CMSS1: variants seen among roughly 807,000 people sequenced by gnomAD.
CMSS1 encodes the protein protein CMSS1.
A neutral mutation model predicts 43.5 loss-of-function variants in CMSS1; 33 were observed. The observed-to-expected ratio is 0.76, with a 90% CI of 0.57 to 1.01. The LOEUF (loss-of-function observed/expected upper bound fraction) is 1.01, where lower values mean the gene tolerates loss of function less well. Ranked by LOEUF, CMSS1 falls within the 50% of genes least tolerant of loss-of-function variation. The pLI is 0.00. For missense variants in CMSS1, 313 were observed against 326.4 expected, an observed-to-expected ratio of 0.96 and a Z score of 0.32; for synonymous variants, 115 against 117.2, an observed-to-expected ratio of 0.98 and a Z score of 0.12.
intron 1 of CMSS1, among the ~76,000 whole-genome samples, chr3:99,833,793 G>C (rs1026501190): frequency 6.6e-6 from 1 of 152,246 alleles, no homozygotes; most frequent in African/African-American, 2.4e-5. Context: ...AATTGAGGTG[G>C]TGTGGGACGG....
intron 1 of CMSS1, among the ~76,000 whole-genome samples, chr3:99,938,074 TGCGC>T (rs57534383): frequency 0.045 from 3,856 of 85,232 alleles, 77 homozygotes; most frequent in Middle Eastern, 0.083. Context: ...TGTGTGTGTG[TGCGC>T]GCGCGCGCGC....
intron 9 of CMSS1, 94 bp from the exon 10 acceptor site, chr3:100,178,211 G>A: frequency 2.9e-6 from 2 of 689,794 alleles, no homozygotes; most frequent in East Asian, 2.7e-5. Context: ...ATAACAGCTG[G>A]GTAAATATCA....
chr3:99,930,771 G>A (rs764669767), intron 1 of CMSS1: 10 of 1,613,028 alleles, frequency 6.2e-6, no homozygotes, highest in Non-Finnish European at 8.5e-6. Context: ...CAGCTGACCT[G>A]CAGTTCTCCC....
chr3:99,932,665 G>A (rs1707521783), intron 1 of CMSS1, among the ~76,000 whole-genome samples: 2 of 152,080 alleles, frequency 1.3e-5, no homozygotes, highest in Admixed American at 6.5e-5. Flanking sequence ...CGAGGCAGGC[G>A]GATTACCCGA....
chr3:100,111,911 C>T (rs2066497542), intron 1 of CMSS1, among the ~76,000 whole-genome samples: 1 of 152,172 alleles, frequency 6.6e-6, no homozygotes, highest in Admixed American at 6.5e-5. Context: ...GAACAACATG[C>T]ACAATACACA....
chr3:99,830,817 T>C (rs1435547381), intron 1 of CMSS1, among the ~76,000 whole-genome samples: 1 of 152,148 alleles, frequency 6.6e-6, no homozygotes, highest in African/African-American at 2.4e-5. Context: ...CAGTTCTTGA[T>C]AGAGATAGTG....
intron 1 of CMSS1, among the ~76,000 whole-genome samples, chr3:100,048,781 AG>A (rs1317533534): frequency 1.3e-5 from 2 of 152,162 alleles, no homozygotes; most frequent in Non-Finnish European, 2.9e-5. Flanking sequence ...AACTAGCCCT[AG>A]GTTTTTCTCC....
chr3:100,062,157 G>A (rs1467028028), intron 1 of CMSS1, among the ~76,000 whole-genome samples: 1 of 124,172 alleles, frequency 8.1e-6, no homozygotes, highest in Non-Finnish European at 1.6e-5. Flanking sequence ...TGTCCCCCAG[G>A]CTGGAGTGCA....
At chr3:99,916,681 A>G (rs1318463907) in intron 1 of CMSS1, among the ~76,000 whole-genome samples, 1 of 152,202 alleles carries the variant, frequency 6.6e-6, no homozygotes, top group Non-Finnish European at 1.5e-5. Context: ...CCCAAGGTCA[A>G]ATAGCCAGTA....
intron 1 of CMSS1, among the ~76,000 whole-genome samples, chr3:100,076,427 G>A (rs1332471303): frequency 6.6e-6 from 1 of 152,134 alleles, no homozygotes. Flanking sequence ...TTTTATCATT[G>A]TCAGCATGTG....
chr3:99,905,402 C>T (rs1331008692), intron 1 of CMSS1, among the ~76,000 whole-genome samples: 3 of 152,214 alleles, frequency 2.0e-5, no homozygotes, highest in Non-Finnish European at 4.4e-5. Flanking sequence ...TCTAATTGCT[C>T]TTACTAGGAC....
At chr3:100,064,056 G>GTTC (rs887476296) in intron 1 of CMSS1, among the ~76,000 whole-genome samples, 6 of 152,298 alleles carry the variant, frequency 3.9e-5, no homozygotes, top group African/African-American at 1.4e-4. Flanking sequence ...AGGTGGAAGA[G>GTTC]TTCTTGTTTT....
At chr3:99,986,540 G>A (rs1709347526) in intron 1 of CMSS1, among the ~76,000 whole-genome samples, 1 of 152,176 alleles carries the variant, frequency 6.6e-6, no homozygotes, top group South Asian at 2.1e-4. Context: ...TATGAGGTTG[G>A]TAGGTATATT....
At chr3:99,987,962 C>T (rs1372867796) in intron 1 of CMSS1, among the ~76,000 whole-genome samples, 1 of 152,116 alleles carries the variant, frequency 6.6e-6, no homozygotes, top group African/African-American at 2.4e-5. Flanking sequence ...TCTTCCAGGC[C>T]ATCATTCTGT....
At chr3:99,881,250 A>G (rs115744522) in intron 1 of CMSS1, among the ~76,000 whole-genome samples, 1,645 of 152,300 alleles carry the variant, frequency 0.011, 27 homozygotes, top group African/African-American at 0.037. Flanking sequence ...AGATTATTAA[A>G]TGGGAAGCAG....
chr3:99,976,713 T>C (rs568104478), intron 1 of CMSS1, among the ~76,000 whole-genome samples: 1 of 152,346 alleles, frequency 6.6e-6, no homozygotes, highest in South Asian at 2.1e-4. Flanking sequence ...TGATAGGATT[T>C]TATTATCTTA....
At position 100,181,197 on chromosome 3, in the gene CMSS1, A is replaced by G. The variant is rs1320637535; in HGVS notation, c.*2809A>G. 6.6e-6 allele frequency: 1 copy of G among 152,246 alleles called. No individual in the cohort carries two copies. Among genetic ancestry groups the G allele is most frequent in the Admixed American group, 6.5e-5 (1 of 15,282 alleles). The allele number at this position is 152,246 out of a possible 1,614,324, so 9.4% of individuals were successfully genotyped here. ...ACTTGGGTGGGGACACAGCCAAACC[A>G]CATCAGCAGGGTAGTGGTAGAAAGA... On this transcript the variant is annotated 3_prime_UTR_variant, in exon 10 of 10. Coordinates refer to ENST00000421999, the MANE Select transcript of CMSS1 (RefSeq NM_032359.4).
intron 1 of CMSS1, among the ~76,000 whole-genome samples, chr3:99,933,929 G>T (rs554319348): frequency 1.3e-5 from 2 of 152,272 alleles, no homozygotes; most frequent in East Asian, 3.9e-4. Context: ...AATAACAATG[G>T]CTCAGAATTC....
At chr3:99,906,779 A>G (rs1306455888) in intron 1 of CMSS1, among the ~76,000 whole-genome samples, 1 of 152,186 alleles carries the variant, frequency 6.6e-6, no homozygotes, top group African/African-American at 2.4e-5. Flanking sequence ...GGATTGGATC[A>G]TTGAACTATA....
Sources: gnomAD v4.1 joint callset for allele counts (sites outside exome capture counted in the v4.1 genomes callset) on GRCh38, gnomAD v4.1.1 for gene constraint, MANE v1.5 for transcripts, NCBI Gene and HGNC (gene_info 2026-07-23, HGNC 2026-07-21) for gene names.